EFCAB12: variants seen among roughly 807,000 people sequenced by gnomAD.
EFCAB12 encodes EF-hand calcium binding domain 12, also known as EF-hand calcium-binding domain-containing protein 12.
In EFCAB12, 43 loss-of-function variants were observed where a neutral mutation model predicts 53.6. The ratio of observed to expected loss-of-function variants is 0.80; its 90% CI spans 0.63 to 1.03. The LOEUF (loss-of-function observed/expected upper bound fraction) is 1.03, where lower values mean the gene tolerates loss of function less well. Among genes scored for constraint, EFCAB12 ranks in the 50% least tolerant of loss-of-function variants. EFCAB12 has a pLI of 0.00. For missense variants in EFCAB12, 646 were observed against 730.6 expected, an observed-to-expected ratio of 0.88 and a Z score of 1.34; for synonymous variants, 269 against 289.2, an observed-to-expected ratio of 0.93 and a Z score of 0.71.
chr3:129,401,558 C>T lies in EFCAB12; in HGVS notation c.*35G>A, dbSNP rs1345159636. 1.3e-6 allele frequency: 2 copies of T among 1,487,464 alleles called. No homozygotes were observed. The highest frequency in any genetic ancestry group is 1.8e-6 in the Non-Finnish European group (2 of 1,110,566). 92.1% of individuals were successfully genotyped at this position (1,487,464 alleles called of 1,614,324 possible). A position where few individuals can be genotyped will look rare whatever the true frequency, so the allele number is the denominator to read the frequency against. On this transcript the variant is annotated 3_prime_UTR_variant, in exon 9 of 9. Coordinates refer to ENST00000505956, the MANE Select transcript of EFCAB12 (RefSeq NM_207307.3). ...GCCGCTGGCTGCACTGGCCCCTGGCCCAGGAAGGCTGGGTCCGGCAACACC... is the reference window on the plus strand; with the variant it reads ...GCCGCTGGCTGCACTGGCCCCTGGCTCAGGAAGGCTGGGTCCGGCAACACC...
intron 2 of EFCAB12, among the ~76,000 whole-genome samples, chr3:129,420,389 A>G (rs2072173607): frequency 6.6e-6 from 1 of 152,218 alleles, no homozygotes; most frequent in African/African-American, 2.4e-5. Context: ...TAGCAGAGCT[A>G]TGTTTAAACC....
At chr3:129,409,809 T>A (rs1466018084) in intron 5 of EFCAB12, among the ~76,000 whole-genome samples, 1 of 152,170 alleles carries the variant, frequency 6.6e-6, no homozygotes, top group African/African-American at 2.4e-5. Flanking sequence ...AGGCCTAAAA[T>A]GTTTACTATC....
chr3:129,421,741 T>C lies in EFCAB12; in HGVS notation c.112A>G (p.Ile38Val), dbSNP rs746231171. The C allele has an allele frequency of 6.8e-6, 11 of 1,613,706 alleles. No individual in the cohort carries two copies. The highest frequency in any genetic ancestry group is 9.3e-6 in the Non-Finnish European group (11 of 1,179,854). Reference sequence around the variant, plus strand: ...TGGAACTGCTTGAAGCAGTGGGCAATGACCGGTTCAGGATCAAAGACGGGA... The same window carrying C: ...TGGAACTGCTTGAAGCAGTGGGCAACGACCGGTTCAGGATCAAAGACGGGA... ...NAPVFDPEPV[I>V]AHCFKQFQQK... The change falls in exon 2 of 9, where the codon ATT becomes GTT. Residue 38 changes from isoleucine to valine, a missense_variant. Coordinates refer to ENST00000505956, the MANE Select transcript of EFCAB12 (RefSeq NM_207307.3).
Position 129,421,642 on chromosome 3 carries a change from G to C in EFCAB12, c.211C>G (p.Leu71Val). The part of the protein sequence containing the change: ...MVPRKEDQTP[L>V]NPASQPQAPP... ...GCCTGAGGTTGGGATGCAGGATTAA[G>C]GGGTGTCTGATCCTCCTTGCGAGGC... is the stretch of plus-strand genomic sequence containing the variant. Residue 71 changes from leucine to valine, a missense_variant, in exon 2 of 9, where the codon CTT becomes GTT. Transcript: ENST00000505956. The C allele has an allele frequency of 6.2e-7, 1 of 1,614,008 alleles. No individual in the cohort carries two copies. Among genetic ancestry groups the C allele is most frequent in the Non-Finnish European group, 8.5e-7 (1 of 1,179,896 alleles).
intron 6 of EFCAB12, among the ~76,000 whole-genome samples, chr3:129,405,519 A>G (rs1399957749): frequency 6.6e-6 from 1 of 151,440 alleles, no homozygotes; most frequent in Non-Finnish European, 1.5e-5. Context: ...GGTCACTAAA[A>G]TATTCACAAC....
intron 3 of EFCAB12, among the ~76,000 whole-genome samples, chr3:129,417,142 T>C (rs2072124945): frequency 6.6e-6 from 1 of 151,752 alleles, no homozygotes; most frequent in African/African-American, 2.4e-5. Flanking sequence ...CTGGCCAACA[T>C]GGTGAAACCC....
intron 7 of EFCAB12, chr3:129,403,812 A>G (rs1254164070): frequency 1.3e-5 from 2 of 153,678 alleles, no homozygotes; most frequent in Non-Finnish European, 2.9e-5. Context: ...TTATCCTCCT[A>G]TGAGCTGCAA....
At chr3:129,418,150 G>A in intron 3 of EFCAB12, 104 bp downstream of exon 3, 1 of 1,128,752 alleles carries the variant, frequency 8.9e-7, no homozygotes, top group Admixed American at 2.9e-5. Context: ...CTTCTCAGTT[G>A]AACCAGAACC....
intron 7 of EFCAB12, chr3:129,402,863 A>G (rs1338158754): frequency 2.5e-6 from 1 of 392,626 alleles, no homozygotes; most frequent in African/African-American, 2.1e-5. Flanking sequence ...GGTCCAGAAT[A>G]GAGACCTCTC....
rs771593519 is a variant in EFCAB12, at chr3:129,411,245, G to A, written c.948C>T (p.Val316=). 8.1e-6 allele frequency: 13 copies of A among 1,613,800 alleles called. No individual in the cohort carries two copies. Among genetic ancestry groups the A allele is most frequent in the East Asian group, 2.2e-5 (1 of 44,870 alleles). The change falls in exon 5 of 9, where the codon GTC becomes GTT. Residue 316 remains valine (V), a synonymous_variant. Coordinates refer to ENST00000505956, the MANE Select transcript of EFCAB12 (RefSeq NM_207307.3). Reference sequence around the variant, plus strand: ...TGGGCCGCGTCTCCATCTGCGTGTCGACTGCAGGCACCGTCAGTAGGTCCA... The same window carrying A: ...TGGGCCGCGTCTCCATCTGCGTGTCAACTGCAGGCACCGTCAGTAGGTCCA... ...PKVDLLTVPA[V]DTQMETRPMT...
intron 3 of EFCAB12, 113 bp downstream of exon 3, chr3:129,418,141 T>C (rs2072141368): frequency 3.0e-6 from 3 of 1,006,714 alleles, no homozygotes; most frequent in South Asian, 3.7e-5. Context: ...TTGTGTCTAC[T>C]TCTCAGTTGA....
Position 129,408,860 on chromosome 3 carries a change from T to C in EFCAB12, c.1036-2A>G. 6.4e-7 allele frequency: 1 copy of C among 1,564,222 alleles called. No homozygotes were observed. The highest frequency in any genetic ancestry group is 8.7e-7 in the Non-Finnish European group (1 of 1,154,532). The stretch of plus-strand genomic sequence containing the variant: ...GTACTGGATGGAGGGGATCGTGAGC[T>C]GCGAAGGAAGCAGAAAGGGGCTCGC... On this transcript the variant is annotated splice_acceptor_variant, in intron 5 of 8. Coordinates refer to ENST00000505956, the MANE Select transcript of EFCAB12 (RefSeq NM_207307.3). LOFTEE classifies it high-confidence loss of function.
At chr3:129,425,803 A>G (rs928226019) in intron 1 of EFCAB12, among the ~76,000 whole-genome samples, 1 of 152,238 alleles carries the variant, frequency 6.6e-6, no homozygotes, top group Non-Finnish European at 1.5e-5. Context: ...TCACCTGCCC[A>G]GGTCAGGGAC....
At chr3:129,415,428 AGCAG>A in intron 3 of EFCAB12, 27 bp from the exon 4 acceptor site, 2 of 1,612,350 alleles carry the variant, frequency 1.2e-6, no homozygotes, top group South Asian at 2.2e-5. Flanking sequence ...CCTTCAGACT[AGCAG>A]GCTCCCATCC....
intron 1 of EFCAB12, among the ~76,000 whole-genome samples, chr3:129,422,853 T>G (rs543298446): frequency 6.6e-6 from 1 of 152,296 alleles, no homozygotes; most frequent in African/African-American, 2.4e-5. Flanking sequence ...TATTAAGTCC[T>G]CGGTTTGGGC....
chr3:129,415,466 G>A, intron 3 of EFCAB12, 65 bp from the exon 4 acceptor site: 1 of 1,588,334 alleles, frequency 6.3e-7, no homozygotes, highest in Non-Finnish European at 8.6e-7. Flanking sequence ...TGATGGCCAA[G>A]GCCTTACCAG....
Position 129,401,915 on chromosome 3 carries a change from G to A in EFCAB12, c.1461-64C>T, listed in dbSNP as rs561798868. 1.5e-3 allele frequency: 2,278 copies of A among 1,556,402 alleles called. 18 individuals carry two copies. The highest frequency in any genetic ancestry group is 6.6e-3 in the South Asian group (537 of 81,906). The stretch of plus-strand genomic sequence containing the variant: ...GACAGGCCAGAGCTGAGGCTTCATC[G>A]CAGAGCCCACCAACTGTGACCAAAG... On this transcript the variant is annotated intron_variant, in intron 8 of 8. Coordinates refer to ENST00000505956, the MANE Select transcript of EFCAB12 (RefSeq NM_207307.3).
rs114529375 is a variant in EFCAB12, at chr3:129,411,029, G to T, written c.1035+129C>A. The T allele has an allele frequency of 4.8e-4, 435 of 915,232 alleles. No homozygotes were observed. The African/African-American group carries it at 6.6e-3, about 14-fold the overall frequency. 56.7% of individuals were successfully genotyped at this position (915,232 alleles called of 1,614,324 possible). Reference sequence around the variant, plus strand: ...TTTTACAGATGAGGGACGTGAAGAAGGGGTGGTTGTAGAGGCGAAGACCCC... The same window carrying T: ...TTTTACAGATGAGGGACGTGAAGAATGGGTGGTTGTAGAGGCGAAGACCCC... On this transcript the variant is annotated intron_variant, in intron 5 of 8. Transcript: ENST00000505956.
At chr3:129,405,884 C>T (rs1453546531) in intron 6 of EFCAB12, among the ~76,000 whole-genome samples, 3 of 152,148 alleles carry the variant, frequency 2.0e-5, no homozygotes, top group East Asian at 1.9e-4. Context: ...ATCCTGCAGA[C>T]AGGTGAAGCT....
Sources: allele counts gnomAD v4.1 joint callset (sites outside exome capture counted in the v4.1 genomes callset), GRCh38; gene constraint gnomAD v4.1.1; transcripts MANE v1.5; gene names NCBI Gene and HGNC (gene_info 2026-07-23, HGNC 2026-07-21).